Variants in SLC14A2 observed in about 807,000 individuals in gnomAD.
The protein encoded by SLC14A2 is solute carrier family 14 member 2, also known as urea transporter 2.
SLC14A2 carries 91 observed loss-of-function variants against 104.6 expected under a neutral mutation model. That is an observed-to-expected ratio of 0.87 (90% CI 0.73 to 1.04). The LOEUF is 1.04. Among genes scored for constraint, SLC14A2 ranks in the 50% least tolerant of loss-of-function variants. SLC14A2 has a pLI of 0.00. For synonymous variants in SLC14A2, 476 were observed against 466.4 expected (o/e 1.02, Z -0.27); for missense variants, 1,189 against 1,156.0 (o/e 1.03, Z -0.41).
chr18:45,435,821 T>C (rs1333567667), intron 1 of SLC14A2, among the ~76,000 whole-genome samples: 3 of 152,158 alleles, frequency 2.0e-5, no homozygotes, highest in Admixed American at 6.5e-5. Context: ...GTGGTAAATA[T>C]ATAGGAAGGT....
chr18:45,571,728 T>C (rs542345419), intron 2 of SLC14A2, among the ~76,000 whole-genome samples: 2 of 152,342 alleles, frequency 1.3e-5, no homozygotes, highest in Non-Finnish European at 2.9e-5. Flanking sequence ...AGATCACTCA[T>C]ATCTGCCAGA....
chr18:45,453,839 T>C (rs925980634), intron 1 of SLC14A2, among the ~76,000 whole-genome samples: 2 of 136,334 alleles, frequency 1.5e-5, no homozygotes, highest in African/African-American at 2.7e-5. Flanking sequence ...CTTTCTTTTT[T>C]CTTTTCTGTT....
At chr18:45,240,166 G>A (rs1193562247) in intron 1 of SLC14A2, among the ~76,000 whole-genome samples, 4 of 139,984 alleles carry the variant, frequency 2.9e-5, no homozygotes, top group East Asian at 2.1e-4. Flanking sequence ...GTGCAATCTC[G>A]GCTCACTGCA....
At chr18:45,483,570 A>G (rs2087538158) in intron 2 of SLC14A2, 1 of 152,208 alleles carries the variant, frequency 6.6e-6, no homozygotes, top group African/African-American at 2.4e-5. Flanking sequence ...TAAAAGGGAT[A>G]GGTTCTATTT....
At chr18:45,447,112 T>C (rs1485695185) in intron 1 of SLC14A2, 1 of 151,372 alleles carries the variant, frequency 6.6e-6, no homozygotes, top group Non-Finnish European at 1.5e-5. Flanking sequence ...GTGGGAGGGA[T>C]GGGGGGTGGG....
intron 1 of SLC14A2, among the ~76,000 whole-genome samples, chr18:45,318,222 G>A (rs1433561052): frequency 6.6e-6 from 1 of 152,156 alleles, no homozygotes; most frequent in Non-Finnish European, 1.5e-5. Context: ...GACACATTGT[G>A]GGGAGGCTTG....
At chr18:45,444,581 C>T (rs1016530343) in intron 1 of SLC14A2, among the ~76,000 whole-genome samples, 1 of 152,148 alleles carries the variant, frequency 6.6e-6, no homozygotes, top group African/African-American at 2.4e-5. Context: ...CTGAACTGGG[C>T]TTGTGCATGC....
intron 1 of SLC14A2, among the ~76,000 whole-genome samples, chr18:45,292,199 C>G (rs982825645): frequency 1.3e-5 from 2 of 152,168 alleles, no homozygotes; most frequent in African/African-American, 4.8e-5. Flanking sequence ...TTTGCGGCAA[C>G]CCCTGTCAAA....
chr18:45,183,906 A>ATTTTTTTTTTTT, the SLC14A2 span, among the ~76,000 whole-genome samples: 77 of 62,724 alleles, frequency 1.2e-3, 8 homozygotes, highest in Non-Finnish European at 1.7e-3. Context: ...TAATTTTCTA[A>ATTTTTTTTTTTT]TTTTTTTTTT....
At chr18:45,367,609 A>AG (rs2085679232) in intron 1 of SLC14A2, among the ~76,000 whole-genome samples, 1 of 152,220 alleles carries the variant, frequency 6.6e-6, no homozygotes, top group South Asian at 2.1e-4. Flanking sequence ...GAAGTGTGCC[A>AG]GGGCTGGCTC....
chr18:45,225,810 G>T (rs2084110270), intron 1 of SLC14A2, among the ~76,000 whole-genome samples: 1 of 152,104 alleles, frequency 6.6e-6, no homozygotes, highest in African/African-American at 2.4e-5. Context: ...TGGTGTATAG[G>T]AATTCTTGTG....
chr18:45,203,694 C>G, the SLC14A2 span, among the ~76,000 whole-genome samples: 2 of 152,170 alleles, frequency 1.3e-5, no homozygotes, highest in African/African-American at 4.8e-5. Context: ...CTTTCAATTT[C>G]TAATTAGTTT....
chr18:45,638,104 C>T (rs2045453487), intron 6 of SLC14A2, among the ~76,000 whole-genome samples: 1 of 152,166 alleles, frequency 6.6e-6, no homozygotes, highest in African/African-American at 2.4e-5. Context: ...GAAAGGTGGA[C>T]GTGAACTCCC....
chr18:45,201,719 G>T, the SLC14A2 span, among the ~76,000 whole-genome samples: 1 of 152,056 alleles, frequency 6.6e-6, no homozygotes, highest in Non-Finnish European at 1.5e-5. Flanking sequence ...AGGAAATATG[G>T]CATTGAATCT....
the SLC14A2 span, among the ~76,000 whole-genome samples, chr18:45,185,695 C>T: frequency 6.6e-6 from 1 of 152,066 alleles, no homozygotes; most frequent in South Asian, 2.1e-4. Flanking sequence ...AAAAATAAAA[C>T]TATCTTTACT....
chr18:45,441,074 GCTT>G (rs1162934226), intron 1 of SLC14A2, among the ~76,000 whole-genome samples: 4 of 152,166 alleles, frequency 2.6e-5, no homozygotes. Context: ...CCATCTGACT[GCTT>G]CTGCCTGCTC....
chr18:45,362,290 T>C (rs1317481330), intron 1 of SLC14A2, among the ~76,000 whole-genome samples: 1 of 152,216 alleles, frequency 6.6e-6, no homozygotes, highest in Non-Finnish European at 1.5e-5. Flanking sequence ...GGTAGTTCTT[T>C]ACAGGAGTGT....
chr18:45,309,970 A>G (rs995786457), intron 1 of SLC14A2, among the ~76,000 whole-genome samples: 2 of 149,400 alleles, frequency 1.3e-5, no homozygotes, highest in Non-Finnish European at 3.0e-5. Context: ...ATAGCTGTCT[A>G]TAGGTATCCT....
At chr18:45,258,799 G>T (rs1307474469) in intron 1 of SLC14A2, among the ~76,000 whole-genome samples, 1 of 102,982 alleles carries the variant, frequency 9.7e-6, no homozygotes, top group Non-Finnish European at 2.0e-5. Flanking sequence ...GATGGAAGTT[G>T]TCTCTCCCCT....
Sources: gnomAD v4.1 joint callset for allele counts (sites outside exome capture counted in the v4.1 genomes callset) on GRCh38, gnomAD v4.1.1 for gene constraint, MANE v1.5 for transcripts, NCBI Gene and HGNC (gene_info 2026-07-23, HGNC 2026-07-21) for gene names.